HTR2C: variants seen among roughly 807,000 people sequenced by gnomAD.
HTR2C encodes 5-hydroxytryptamine receptor 2C.
In HTR2C, 5 loss-of-function variants were observed where a neutral mutation model predicts 21.0. That is an observed-to-expected ratio of 0.24 (90% CI 0.12 to 0.50). The LOEUF is 0.50. Among genes scored for constraint, HTR2C ranks in the 20% least tolerant of loss-of-function variants. The pLI, the probability that HTR2C is intolerant of heterozygous loss-of-function variation, is 0.98. For missense variants in HTR2C, 271 were observed against 371.2 expected (o/e 0.73, Z 2.22); for synonymous variants, 150 against 145.3 (o/e 1.03, Z -0.23).
intron 4 of HTR2C, among the ~76,000 whole-genome samples, chrX:114,734,780 G>A (rs782169079): frequency 7.3e-5 from 8 of 109,737 alleles, no homozygotes. Context: ...TGTGGTGATG[G>A]TTATACAAAT....
intron 2 of HTR2C, among the ~76,000 whole-genome samples, chrX:114,639,102 A>G (rs1363573736): frequency 8.9e-6 from 1 of 111,961 alleles, no homozygotes; most frequent in East Asian, 2.8e-4. Context: ...AGTTTCATAA[A>G]TGAATATTTT....
At chrX:114,839,251 A>G (rs1389301718) in intron 4 of HTR2C, among the ~76,000 whole-genome samples, 3 of 112,447 alleles carry the variant, frequency 2.7e-5, no homozygotes, top group African/African-American at 9.7e-5. Context: ...TTGGACAGGA[A>G]TCCAAAACAG....
intron 2 of HTR2C, among the ~76,000 whole-genome samples, chrX:114,722,389 G>A (rs1459254335): frequency 3.6e-4 from 40 of 111,064 alleles, no homozygotes; most frequent in African/African-American, 1.3e-3. Context: ...TGCTGAAGTT[G>A]CTTATCAGCT....
In HTR2C at chrX:114,770,803, C is replaced by CTTTTTT. The variant is rs377420309; in HGVS notation, c.349+39207_349+39212dup. ...TCTTTTCTCTTTTCTTTCTTTCTTC[C>CTTTTTT]TTTTTTTTTTTTTTTTGAGGTAGGG... On this transcript the variant is annotated intron_variant, in intron 4 of 5. Coordinates refer to ENST00000276198, the MANE Select transcript of HTR2C (RefSeq NM_000868.4). Among the ~76,000 whole-genome samples, 34 of 80,701 alleles carry CTTTTTT rather than the reference C, an allele frequency of 4.2e-4. 1 individual carries two copies. The highest frequency in any genetic ancestry group is 1.4e-3 in the African/African-American group (30 of 20,912). 70.1% of individuals were successfully genotyped at this position (80,701 alleles called of 115,157 possible). A position where few individuals can be genotyped will look rare whatever the true frequency, so the allele number is the denominator to read the frequency against.
At chrX:114,727,327 G>A (rs1298841079) in intron 3 of HTR2C, among the ~76,000 whole-genome samples, 1 of 111,712 alleles carries the variant, frequency 9.0e-6, no homozygotes, top group East Asian at 2.8e-4. Context: ...TTAAGAGAAT[G>A]AAATGCCTCT....
chrX:114,601,348 G>A (rs1928079193), intron 1 of HTR2C, among the ~76,000 whole-genome samples: 1 of 110,188 alleles, frequency 9.1e-6, no homozygotes, highest in Non-Finnish European at 1.9e-5. Context: ...CCTGGGTGCA[G>A]GTGGGCTGAG....
intron 2 of HTR2C, among the ~76,000 whole-genome samples, chrX:114,645,760 A>G (rs1556407417): frequency 8.9e-6 from 1 of 111,985 alleles, no homozygotes; most frequent in African/African-American, 3.2e-5. Context: ...TAAGAAAAAG[A>G]CATTTTTATG....
chrX:114,672,927 A>C (rs1380271350), intron 2 of HTR2C, among the ~76,000 whole-genome samples: 1 of 112,264 alleles, frequency 8.9e-6, no homozygotes, highest in Non-Finnish European at 1.9e-5. Context: ...AGCTATAACT[A>C]AGACTAATGT....
intron 3 of HTR2C, among the ~76,000 whole-genome samples, chrX:114,730,517 C>T (rs1301922019): frequency 9.0e-6 from 1 of 111,442 alleles, no homozygotes; most frequent in Non-Finnish European, 1.9e-5. Context: ...TAGCACAAAA[C>T]GTTAAGAAAC....
At chrX:114,788,996 A>G (rs2070205283) in intron 4 of HTR2C, among the ~76,000 whole-genome samples, 1 of 111,907 alleles carries the variant, frequency 8.9e-6, no homozygotes, top group Admixed American at 9.5e-5. Flanking sequence ...TCAAATTTTC[A>G]TCTTCCTACT....
At chrX:114,585,198 A>G (rs1556389241) in intron 1 of HTR2C, among the ~76,000 whole-genome samples, 1 of 110,436 alleles carries the variant, frequency 9.1e-6, no homozygotes, top group Admixed American at 9.6e-5. Flanking sequence ...GTTCTCATTG[A>G]AAAGCGACCC....
chrX:114,787,467 G>C (rs1357017522), intron 4 of HTR2C, among the ~76,000 whole-genome samples: 1 of 111,460 alleles, frequency 9.0e-6, no homozygotes, highest in Non-Finnish European at 1.9e-5. Flanking sequence ...TGTTGGGTAT[G>C]GAAAAAATGA....
chrX:114,587,850 C>T (rs1407220830), intron 1 of HTR2C, among the ~76,000 whole-genome samples: 1 of 112,087 alleles, frequency 8.9e-6, no homozygotes, highest in Non-Finnish European at 1.9e-5. Context: ...TGAAAACAAC[C>T]AAGTGGTTAA....
intron 2 of HTR2C, among the ~76,000 whole-genome samples, chrX:114,616,797 C>A (rs1326317995): frequency 9.0e-6 from 1 of 111,594 alleles, no homozygotes; most frequent in East Asian, 2.8e-4. Context: ...CTGTGCTCCT[C>A]CTGAGTTGTA....
At position 114,807,289 on chromosome X, in the gene HTR2C, A is replaced by C. The variant is rs1371414496; in HGVS notation, c.350-40714A>C. Among the ~76,000 whole-genome samples the C allele has an allele frequency of 4.8e-5, 5 of 104,660 alleles. No individual in the cohort carries two copies. In the Admixed American group the frequency reaches 5.2e-4, roughly 11 times the overall value. 90.9% of individuals were successfully genotyped at this position (104,660 alleles called of 115,157 possible). ...TATATACCATGTATATATACACCAT[A>C]TATATACCATGTATATACACCATAT... On this transcript the variant is annotated intron_variant, in intron 4 of 5. Transcript: ENST00000276198.
chrX:114,635,796 A>G (rs370327473), intron 2 of HTR2C, among the ~76,000 whole-genome samples: 1 of 111,947 alleles, frequency 8.9e-6, no homozygotes, highest in South Asian at 3.7e-4. Flanking sequence ...TATGTCAAAG[A>G]AGAATATTTC....
chrX:114,665,527 T>G (rs994047365), intron 2 of HTR2C, among the ~76,000 whole-genome samples: 11 of 112,335 alleles, frequency 9.8e-5, no homozygotes, highest in Non-Finnish European at 1.9e-4. Flanking sequence ...TAGCCTATTG[T>G]GAAGAGTTAC....
At chrX:114,864,625 C>CAGTGAGTTTTGTATTTACCTCTACT (rs1556474018) in intron 5 of HTR2C, among the ~76,000 whole-genome samples, 1 of 111,297 alleles carries the variant, frequency 9.0e-6, no homozygotes, top group Admixed American at 9.6e-5. Context: ...TTACCTCTAC[C>CAGTGAGTTTTGTATTTACCTCTACT]AGTGAGTTTT....
intron 4 of HTR2C, among the ~76,000 whole-genome samples, chrX:114,822,865 A>G (rs2070647002): frequency 8.9e-6 from 1 of 111,946 alleles, no homozygotes; most frequent in Non-Finnish European, 1.9e-5. Context: ...AGAATTTGCT[A>G]AGCTAAATGA....
Sources: allele counts gnomAD v4.1 joint callset (sites outside exome capture counted in the v4.1 genomes callset), GRCh38; gene constraint gnomAD v4.1.1; transcripts MANE v1.5; gene names NCBI Gene and HGNC (gene_info 2026-07-23, HGNC 2026-07-21).